Variants in NXPH2 observed in about 807,000 individuals in gnomAD.
The protein encoded by NXPH2 is neurexophilin 2.
NXPH2 carries 5 observed loss-of-function variants against 19.8 expected under a neutral mutation model. The ratio of observed to expected loss-of-function variants is 0.25; its 90% CI spans 0.13 to 0.53. The LOEUF (loss-of-function observed/expected upper bound fraction) is 0.53, where lower values mean the gene tolerates loss of function less well. Among genes scored for constraint, NXPH2 ranks in the 20% least tolerant of loss-of-function variants. The pLI, the probability that NXPH2 is intolerant of heterozygous loss-of-function variation, is 0.96. For missense variants in NXPH2, 289 were observed against 322.8 expected (o/e 0.90, Z 0.80); for synonymous variants, 154 against 127.4 (o/e 1.21, Z -1.41).
chr2:138,681,902 G>T (rs1680585082), intron 1 of NXPH2, among the ~76,000 whole-genome samples: 1 of 152,156 alleles, frequency 6.6e-6, no homozygotes, highest in South Asian at 2.1e-4. Context: ...GGTCATTAAT[G>T]ATTTCACTGG....
chr2:138,774,319 T>C (rs1437108563), intron 1 of NXPH2, among the ~76,000 whole-genome samples: 1 of 152,234 alleles, frequency 6.6e-6, no homozygotes, highest in African/African-American at 2.4e-5. Context: ...ATTCTCTGTC[T>C]GGTTTTACTA....
intron 1 of NXPH2, among the ~76,000 whole-genome samples, chr2:138,730,984 C>T (rs1681439231): frequency 6.6e-6 from 1 of 152,154 alleles, no homozygotes; most frequent in Non-Finnish European, 1.5e-5. Context: ...TCACATTTTG[C>T]CTTAAACATC....
Position 138,679,339 on chromosome 2 carries a change from A to G in NXPH2, c.52-7674T>C, listed in dbSNP as rs185573859. 2.7e-3 allele frequency among the ~76,000 whole-genome samples: 415 copies of G among 152,194 alleles called. 13 individuals carry two copies. Among genetic ancestry groups the G allele is most frequent in the Admixed American group, 0.025 (376 of 15,292 alleles). On this transcript the variant is annotated intron_variant, in intron 1 of 1. Coordinates refer to ENST00000272641, the MANE Select transcript of NXPH2 (RefSeq NM_007226.3). ...CAGTGTTTAGCAAGTCTAAATGACAAGTTTATTAGCACATATTGACTCTTC... is the reference window on the plus strand; with the variant it reads ...CAGTGTTTAGCAAGTCTAAATGACAGGTTTATTAGCACATATTGACTCTTC...
In NXPH2 at chr2:138,731,490, C is replaced by T. The variant is rs142310649; in HGVS notation, c.51+48701G>A. ...TCACAGATAATCCTCTGTTTGTCAT[C>T]ATCTCTCTGGGCTTTGACAATTTAA... On this transcript the variant is annotated intron_variant, in intron 1 of 1. Coordinates refer to ENST00000272641, the MANE Select transcript of NXPH2 (RefSeq NM_007226.3). Among the ~76,000 whole-genome samples the T allele has an allele frequency of 4.6e-5, 7 of 152,196 alleles. 2 individuals are homozygous for T. The highest frequency in any genetic ancestry group is 1.7e-4 in the African/African-American group (7 of 41,538).
intron 1 of NXPH2, among the ~76,000 whole-genome samples, chr2:138,700,587 T>G (rs1385317131): frequency 1.3e-5 from 2 of 152,152 alleles, no homozygotes; most frequent in African/African-American, 2.4e-5. Flanking sequence ...CTGTCTGTGA[T>G]TGATGAGAAT....
intron 1 of NXPH2, among the ~76,000 whole-genome samples, chr2:138,727,671 C>T (rs548712243): frequency 1.3e-4 from 12 of 91,758 alleles, no homozygotes; most frequent in African/African-American, 4.1e-4. Flanking sequence ...GGCGGTGAGG[C>T]GGGGGGGGTT....
At chr2:138,696,904 A>G (rs1032562675) in intron 1 of NXPH2, among the ~76,000 whole-genome samples, 2 of 152,202 alleles carry the variant, frequency 1.3e-5, no homozygotes, top group Non-Finnish European at 2.9e-5. Context: ...ATAATCAAAT[A>G]GAAACTAATG....
intron 1 of NXPH2, among the ~76,000 whole-genome samples, chr2:138,779,690 CT>C (rs1682320418): frequency 6.6e-6 from 1 of 152,152 alleles, no homozygotes; most frequent in Non-Finnish European, 1.5e-5. Context: ...CCTAAGTTTT[CT>C]CCCAGCAAGG....
intron 1 of NXPH2, among the ~76,000 whole-genome samples, chr2:138,710,576 G>T (rs1003794030): frequency 6.6e-6 from 1 of 152,114 alleles, no homozygotes; most frequent in Non-Finnish European, 1.5e-5. Flanking sequence ...AAGCAGAGTA[G>T]TTAGTTCAAA....
At position 138,670,737 on chromosome 2, in the gene NXPH2, T is replaced by A; in HGVS notation, c.*185A>T. ...ACTTTTTAGATAAAGGTACCTACGATAGAAAGAAACAAATTTCACACTTAA... is the reference window on the plus strand; with the variant it reads ...ACTTTTTAGATAAAGGTACCTACGAAAGAAAGAAACAAATTTCACACTTAA... On this transcript the variant is annotated 3_prime_UTR_variant, in exon 2 of 2. Transcript: ENST00000272641. 1 of 573,960 alleles carries A rather than the reference T, an allele frequency of 1.7e-6. No homozygotes were observed. Among genetic ancestry groups the A allele is most frequent in the Non-Finnish European group, 2.9e-6 (1 of 346,272 alleles). The allele number at this position is 573,960 out of a possible 1,614,324, so 35.6% of individuals were successfully genotyped here.
At chr2:138,771,716 C>T (rs1682180588) in intron 1 of NXPH2, among the ~76,000 whole-genome samples, 1 of 152,072 alleles carries the variant, frequency 6.6e-6, no homozygotes, top group African/African-American at 2.4e-5. Context: ...ATCTGTTTCA[C>T]CTCAGTTATA....
intron 1 of NXPH2, among the ~76,000 whole-genome samples, chr2:138,722,835 C>T (rs892552199): frequency 6.6e-6 from 1 of 152,178 alleles, no homozygotes; most frequent in African/African-American, 2.4e-5. Context: ...TACAATTACT[C>T]AAAAACATCA....
At chr2:138,742,288 G>T (rs1409543272) in intron 1 of NXPH2, among the ~76,000 whole-genome samples, 1 of 152,132 alleles carries the variant, frequency 6.6e-6, no homozygotes, top group Non-Finnish European at 1.5e-5. Context: ...AGGAGTATGG[G>T]TTTCTTCTGG....
At chr2:138,682,007 C>G (rs1420355166) in intron 1 of NXPH2, among the ~76,000 whole-genome samples, 1 of 151,882 alleles carries the variant, frequency 6.6e-6, no homozygotes, top group East Asian at 1.9e-4. Flanking sequence ...ATTATAGAAC[C>G]AATAATAAAA....
At chr2:138,773,738 C>T (rs1682213567) in intron 1 of NXPH2, among the ~76,000 whole-genome samples, 1 of 152,144 alleles carries the variant, frequency 6.6e-6, no homozygotes, top group East Asian at 1.9e-4. Flanking sequence ...CATGAAAAGA[C>T]TTACACAATT....
intron 1 of NXPH2, among the ~76,000 whole-genome samples, chr2:138,759,307 C>T (rs1470072077): frequency 6.6e-6 from 1 of 152,086 alleles, no homozygotes; most frequent in Non-Finnish European, 1.5e-5. Flanking sequence ...AACAAGAAGT[C>T]ATGAAGCAAG....
intron 1 of NXPH2, among the ~76,000 whole-genome samples, chr2:138,726,978 A>G (rs1349968395): frequency 6.6e-6 from 1 of 152,158 alleles, no homozygotes; most frequent in Non-Finnish European, 1.5e-5. Context: ...CCAGGCAGCC[A>G]CTGATCTTTT....
intron 1 of NXPH2, among the ~76,000 whole-genome samples, chr2:138,671,915 G>A (rs1680422723): frequency 6.6e-6 from 1 of 152,144 alleles, no homozygotes; most frequent in South Asian, 2.1e-4. Context: ...GGGTTGATGT[G>A]ATTTTAGTCT....
intron 1 of NXPH2, among the ~76,000 whole-genome samples, chr2:138,749,501 C>A (rs1681793639): frequency 6.6e-6 from 1 of 151,614 alleles, no homozygotes; most frequent in South Asian, 2.1e-4. Context: ...ATAATGGATC[C>A]CAAATGTACA....
Sources: gnomAD v4.1 joint callset for allele counts (sites outside exome capture counted in the v4.1 genomes callset) on GRCh38, gnomAD v4.1.1 for gene constraint, MANE v1.5 for transcripts, NCBI Gene and HGNC (gene_info 2026-07-23, HGNC 2026-07-21) for gene names.